Variants in RIMS2 observed in about 807,000 individuals in gnomAD.
The protein encoded by RIMS2 is regulating synaptic membrane exocytosis protein 2.
A neutral mutation model predicts 174.4 loss-of-function variants in RIMS2; 59 were observed. That is an observed-to-expected ratio of 0.34 (90% CI 0.27 to 0.42). The LOEUF (loss-of-function observed/expected upper bound fraction) is 0.42, where lower values mean the gene tolerates loss of function less well. Ranked by LOEUF, RIMS2 falls within the 10% of genes least tolerant of loss-of-function variation. The pLI is 1.00. For missense variants in RIMS2, 1,620 were observed against 1,666.3 expected (o/e 0.97, Z 0.48); for synonymous variants, 606 against 572.5 (o/e 1.06, Z -0.84).
intron 3 of RIMS2, among the ~76,000 whole-genome samples, chr8:103,772,565 A>G (rs904525990): frequency 6.6e-6 from 1 of 152,150 alleles, no homozygotes; most frequent in African/African-American, 2.4e-5. Flanking sequence ...CATACAACTC[A>G]ATATTGTTAA....
At chr8:103,674,535 A>C (rs2136454138) in intron 1 of RIMS2, among the ~76,000 whole-genome samples, 1 of 152,048 alleles carries the variant, frequency 6.6e-6, no homozygotes, top group East Asian at 1.9e-4. Context: ...AGCAACCTTT[A>C]AGTAACTTCT....
chr8:103,554,574 G>T (rs1044331493), intron 1 of RIMS2, among the ~76,000 whole-genome samples: 1 of 152,156 alleles, frequency 6.6e-6, no homozygotes, highest in Non-Finnish European at 1.5e-5. Context: ...GAACACTTAT[G>T]CACTGTTGCT....
intron 1 of RIMS2, among the ~76,000 whole-genome samples, chr8:103,589,747 T>G (rs374757077): frequency 9.0e-4 from 137 of 151,404 alleles, no homozygotes; most frequent in African/African-American, 3.2e-3. Context: ...TACTATTGAG[T>G]CATAAAAAAG....
intron 3 of RIMS2, among the ~76,000 whole-genome samples, chr8:103,784,942 C>T (rs1213187044): frequency 7.2e-6 from 1 of 139,834 alleles, no homozygotes; most frequent in African/African-American, 2.7e-5. Flanking sequence ...TCTTTTATTT[C>T]GTTGAGCAGT....
chr8:103,675,765 C>A (rs1159566171), intron 1 of RIMS2, among the ~76,000 whole-genome samples: 1 of 151,992 alleles, frequency 6.6e-6, no homozygotes, highest in Non-Finnish European at 1.5e-5. Context: ...TCAGCACATG[C>A]ACATAACACA....
intron 3 of RIMS2, among the ~76,000 whole-genome samples, chr8:103,771,733 G>C (rs1326114365): frequency 1.3e-5 from 2 of 152,100 alleles, no homozygotes; most frequent in African/African-American, 4.8e-5. Flanking sequence ...TCGGCCATGA[G>C]ATAAACTTGA....
At chr8:103,859,939 G>T (rs548463381) in intron 3 of RIMS2, among the ~76,000 whole-genome samples, 1 of 152,078 alleles carries the variant, frequency 6.6e-6, no homozygotes, top group South Asian at 2.1e-4. Flanking sequence ...TCTATCACTT[G>T]GCCCCTCCCT....
chr8:104,074,298 G>T (rs904767533), intron 19 of RIMS2, among the ~76,000 whole-genome samples: 1 of 152,084 alleles, frequency 6.6e-6, no homozygotes, highest in Admixed American at 6.6e-5. Flanking sequence ...GGGTGGCTTG[G>T]GGTAGGTTTA....
At position 103,707,227 on chromosome 8, in the gene RIMS2, T is replaced by C. The variant is rs546423290; in HGVS notation, c.387+9931T>C. Among the ~76,000 whole-genome samples the C allele has an allele frequency of 2.0e-3, 307 of 152,338 alleles. 2 individuals are homozygous for C. Among genetic ancestry groups the C allele is most frequent in the African/African-American group, 7.0e-3 (291 of 41,584 alleles). Reference sequence around the variant, plus strand: ...CCCCAAAATAGGTATTTTGAATTCCTTGCTTGAGAGATTATGTATCTCTAT... The same window carrying C: ...CCCCAAAATAGGTATTTTGAATTCCCTGCTTGAGAGATTATGTATCTCTAT... On this transcript the variant is annotated intron_variant, in intron 2 of 23. Coordinates refer to ENST00000504942, the Ensembl canonical transcript of RIMS2.
At chr8:104,016,500 A>T (rs2095910519) in intron 19 of RIMS2, among the ~76,000 whole-genome samples, 1 of 152,028 alleles carries the variant, frequency 6.6e-6, no homozygotes, top group South Asian at 2.1e-4. Context: ...TGAACAATCC[A>T]GTGATATTGT....
Position 104,023,137 on chromosome 8 carries a change from G to A in RIMS2, c.3334+8522G>A, listed in dbSNP as rs185262591. Among the ~76,000 whole-genome samples, 12 of 152,242 alleles carry A rather than the reference G, an allele frequency of 7.9e-5. No individual in the cohort carries two copies. In the East Asian group the frequency reaches 2.3e-3, roughly 29 times the overall value. ...TTTTAATTGGTTAAAGCATTTCGTG[G>A]ATATGTTAAAGTATATTGTTGTAGC... On this transcript the variant is annotated intron_variant, in intron 19 of 23. Transcript: ENST00000504942.
At chr8:103,548,133 G>T (rs141369868) in intron 1 of RIMS2, among the ~76,000 whole-genome samples, 2 of 152,062 alleles carry the variant, frequency 1.3e-5, no homozygotes, top group Non-Finnish European at 2.9e-5. Context: ...AACAACTGAG[G>T]AGAAGGGACT....
intron 19 of RIMS2, among the ~76,000 whole-genome samples, chr8:104,224,973 A>C (rs1042126858): frequency 6.6e-6 from 1 of 152,236 alleles, no homozygotes. Flanking sequence ...TTTAATTTCC[A>C]TACTAGTCCT....
At chr8:103,831,722 G>A (rs186081055) in intron 3 of RIMS2, among the ~76,000 whole-genome samples, 2 of 152,254 alleles carry the variant, frequency 1.3e-5, no homozygotes, top group East Asian at 3.9e-4. Context: ...ACCCTGCAAG[G>A]TGGTATTACA....
At chr8:103,627,305 T>C (rs1283517393) in intron 1 of RIMS2, among the ~76,000 whole-genome samples, 1 of 152,358 alleles carries the variant, frequency 6.6e-6, no homozygotes, top group Middle Eastern at 3.4e-3. Flanking sequence ...TCTGGTTATC[T>C]TCCCTTGTTC....
At chr8:103,689,460 G>A (rs1386493169) in intron 1 of RIMS2, among the ~76,000 whole-genome samples, 1 of 152,072 alleles carries the variant, frequency 6.6e-6, no homozygotes, top group Admixed American at 6.6e-5. Flanking sequence ...GGGTTTTGAA[G>A]TCTCCAGCTA....
chr8:104,229,119 T>A (rs2099208650), intron 19 of RIMS2, among the ~76,000 whole-genome samples: 1 of 152,200 alleles, frequency 6.6e-6, no homozygotes, highest in Non-Finnish European at 1.5e-5. Flanking sequence ...ACAGGTTCAC[T>A]ACCAGTAACA....
intron 3 of RIMS2, among the ~76,000 whole-genome samples, chr8:103,864,594 T>A (rs765558379): frequency 1.2e-4 from 19 of 152,224 alleles, no homozygotes; most frequent in Non-Finnish European, 2.5e-4. Context: ...GCTAAATTTA[T>A]GACCTGACAC....
chr8:103,538,566 G>T (rs145597597), intron 1 of RIMS2, among the ~76,000 whole-genome samples: 3 of 151,640 alleles, frequency 2.0e-5, no homozygotes, highest in African/African-American at 4.8e-5. Context: ...GCCCAGGCTG[G>T]ACTACAGTGG....
Sources: gnomAD v4.1 joint callset for allele counts (sites outside exome capture counted in the v4.1 genomes callset) on GRCh38, gnomAD v4.1.1 for gene constraint, MANE v1.5 for transcripts, NCBI Gene and HGNC (gene_info 2026-07-23, HGNC 2026-07-21) for gene names.